ZNF525: variants seen among roughly 807,000 people sequenced by gnomAD.
ZNF525 encodes zinc finger protein 525.
ZNF525 carries 33 observed loss-of-function variants against 37.6 expected under a neutral mutation model. The ratio of observed to expected loss-of-function variants is 0.88; its 90% CI spans 0.67 to 1.17. ZNF525 has a LOEUF of 1.17. ZNF525 is among the 50% of genes most tolerant of loss of function. ZNF525 has a pLI of 0.00. For missense variants in ZNF525, 449 were observed against 543.1 expected (o/e 0.83, Z 1.72); for synonymous variants, 170 against 182.3 (o/e 0.93, Z 0.54).
intron 2 of ZNF525, chr19:53,372,501 A>G (rs2085494391): frequency 7.5e-6 from 6 of 797,728 alleles, no homozygotes; most frequent in Admixed American, 2.0e-5. Flanking sequence ...TGCACTGGGC[A>G]TGGTCTTGGG....
chr19:53,386,407 G>GCA lies in ZNF525; in HGVS notation c.*4393_*4394dup. On this transcript the variant is annotated 3_prime_UTR_variant, in exon 4 of 4. Coordinates refer to ENST00000474037, the MANE Select transcript of ZNF525 (RefSeq NM_001348156.2). The stretch of plus-strand genomic sequence containing the variant: ...TCTATAAGGAATTGCATGTGAGATG[G>GCA]CACACATATTTATGCTGTCTGAGCA... 1 of 854,930 alleles carries GCA rather than the reference G, an allele frequency of 1.2e-6. No individual in the cohort carries two copies. The highest frequency in any genetic ancestry group is 1.9e-6 in the Non-Finnish European group (1 of 517,642). The allele number at this position is 854,930 out of a possible 1,614,324, so 53.0% of individuals were successfully genotyped here.
In ZNF525 at chr19:53,382,976, A is replaced by G; in HGVS notation, c.*957A>G. ...TCATAAGGCAATTCATACTGGAGAGAAACCTTACAAGTGTAATGAATGTGG... is the reference window on the plus strand; with the variant it reads ...TCATAAGGCAATTCATACTGGAGAGGAACCTTACAAGTGTAATGAATGTGG... On this transcript the variant is annotated 3_prime_UTR_variant, in exon 4 of 4. Transcript: ENST00000474037. 6.6e-7 allele frequency: 1 copy of G among 1,520,892 alleles called. No individual in the cohort carries two copies. The highest frequency in any genetic ancestry group is 9.1e-7 in the Non-Finnish European group (1 of 1,102,200). 94.2% of individuals were successfully genotyped at this position (1,520,892 alleles called of 1,614,324 possible).
intron 2 of ZNF525, among the ~76,000 whole-genome samples, chr19:53,372,580 A>C (rs1219624244): frequency 1.3e-5 from 2 of 152,162 alleles, no homozygotes; most frequent in Admixed American, 6.5e-5. Context: ...GTTGGGCAGC[A>C]GGGATTGTTC....
In ZNF525 at chr19:53,385,067, A is replaced by AT. The variant is rs2085595558; in HGVS notation, c.*3049dup. On this transcript the variant is annotated 3_prime_UTR_variant, in exon 4 of 4. Coordinates refer to ENST00000474037, the MANE Select transcript of ZNF525 (RefSeq NM_001348156.2). ...ATCTTTCATTCTGTTCTAGTGGTAT[A>AT]TAACATTGATTTGCTTGAATATGTT... is the stretch of plus-strand genomic sequence containing the variant. The AT allele has an allele frequency of 1.5e-6, 1 of 651,768 alleles. No individual in the cohort carries two copies. The highest frequency in any genetic ancestry group is 1.7e-5 in the South Asian group (1 of 58,522). 40.4% of individuals were successfully genotyped at this position (651,768 alleles called of 1,614,324 possible). A position where few individuals can be genotyped will look rare whatever the true frequency, so the allele number is the denominator to read the frequency against.
At chr19:53,375,332 A>G (rs2085513852) in intron 2 of ZNF525, among the ~76,000 whole-genome samples, 1 of 152,218 alleles carries the variant, frequency 6.6e-6, no homozygotes, top group Non-Finnish European at 1.5e-5. Context: ...TGGGCCTGCA[A>G]TTCCAGCACT....
At chr19:53,367,684 A>T (rs1262848786) in intron 1 of ZNF525, among the ~76,000 whole-genome samples, 1 of 152,216 alleles carries the variant, frequency 6.6e-6, no homozygotes, top group African/African-American at 2.4e-5. Flanking sequence ...TAATTTTTTC[A>T]TACTTGCAGT....
intron 2 of ZNF525, among the ~76,000 whole-genome samples, chr19:53,375,251 C>G (rs2085513213): frequency 6.6e-6 from 1 of 152,144 alleles, no homozygotes; most frequent in African/African-American, 2.4e-5. Flanking sequence ...CACTCATACT[C>G]TGTCTCATCT....
chr19:53,382,483 A>T lies in ZNF525; in HGVS notation c.*464A>T. The T allele has an allele frequency of 1.4e-6, 1 of 714,444 alleles. No individual in the cohort carries two copies. Among genetic ancestry groups the T allele is most frequent in the Non-Finnish European group, 2.6e-6 (1 of 389,302 alleles). 44.3% of individuals were successfully genotyped at this position (714,444 alleles called of 1,614,324 possible). A position where few individuals can be genotyped will look rare whatever the true frequency, so the allele number is the denominator to read the frequency against. ...AGACTTCATACTGGAAATAAATCTT[A>T]TAAGTGTAATGAGTGTGGCAAGACC... On this transcript the variant is annotated 3_prime_UTR_variant, in exon 4 of 4. Coordinates refer to ENST00000474037, the MANE Select transcript of ZNF525 (RefSeq NM_001348156.2).
In ZNF525 at chr19:53,375,751, A is replaced by T; in HGVS notation, c.16-19A>T. On this transcript the variant is annotated intron_variant, in intron 2 of 3. Coordinates refer to ENST00000474037, the MANE Select transcript of ZNF525 (RefSeq NM_001348156.2). ...AACTCCTCCCATAACCATTTGGTTA[A>T]AATGTGTTTTCATTTCAGGGTCTAT... is the stretch of plus-strand genomic sequence containing the variant. 1 of 1,613,704 alleles carries T rather than the reference A, an allele frequency of 6.2e-7. No homozygotes were observed.
Position 53,383,063 on chromosome 19 carries a change from G to A in ZNF525, c.*1044G>A, listed in dbSNP as rs2865698. On this transcript the variant is annotated 3_prime_UTR_variant, in exon 4 of 4. Transcript: ENST00000474037. ...TCATAGACTTCATACTGGAGAGAAC[G>A]CTTGCAAGTGTAATAAATGTGGCGA... 24 of 1,421,220 alleles carry A rather than the reference G, an allele frequency of 1.7e-5. No individual in the cohort carries two copies. The highest frequency in any genetic ancestry group is 1.8e-4 in the Middle Eastern group (1 of 5,498). 88.0% of individuals were successfully genotyped at this position (1,421,220 alleles called of 1,614,324 possible). A position where few individuals can be genotyped will look rare whatever the true frequency, so the allele number is the denominator to read the frequency against.
Position 53,385,222 on chromosome 19 carries a change from T to A in ZNF525, c.*3203T>A. On this transcript the variant is annotated 3_prime_UTR_variant, in exon 4 of 4. Coordinates refer to ENST00000474037, the MANE Select transcript of ZNF525 (RefSeq NM_001348156.2). ...GGAAAAATACATATTATGAGAAAATTGTGCATGAATTTCACAATTTTTGCA... is the reference window on the plus strand; with the variant it reads ...GGAAAAATACATATTATGAGAAAATAGTGCATGAATTTCACAATTTTTGCA... 2 of 471,928 alleles carry A rather than the reference T, an allele frequency of 4.2e-6. No individual in the cohort carries two copies. Among genetic ancestry groups the A allele is most frequent in the Non-Finnish European group, 3.7e-6 (1 of 267,544 alleles). The allele number at this position is 471,928 out of a possible 1,614,324, so 29.2% of individuals were successfully genotyped here. A position where few individuals can be genotyped will look rare whatever the true frequency, so the allele number is the denominator to read the frequency against.
intron 1 of ZNF525, among the ~76,000 whole-genome samples, chr19:53,367,370 G>T (rs139438593): frequency 3.3e-5 from 5 of 151,560 alleles, no homozygotes; most frequent in Middle Eastern, 3.2e-3. Flanking sequence ...TTATTATCAA[G>T]ATTTTAATAG....
chr19:53,383,524 C>T lies in ZNF525; in HGVS notation c.*1505C>T, dbSNP rs2085583384. 6 of 1,280,332 alleles carry T rather than the reference C, an allele frequency of 4.7e-6. No individual in the cohort carries two copies. Among genetic ancestry groups the T allele is most frequent in the African/African-American group, 1.5e-5 (1 of 67,166 alleles). 79.3% of individuals were successfully genotyped at this position (1,280,332 alleles called of 1,614,324 possible). A position where few individuals can be genotyped will look rare whatever the true frequency, so the allele number is the denominator to read the frequency against. ...ACAAGGCTTTCGGACGTGATTCACA[C>T]CTGGCACAACATCCCAGAGTTCACA... is the stretch of plus-strand genomic sequence containing the variant. On this transcript the variant is annotated 3_prime_UTR_variant, in exon 4 of 4. Transcript: ENST00000474037.
intron 1 of ZNF525, among the ~76,000 whole-genome samples, chr19:53,366,086 G>A (rs1372974340): frequency 5.5e-4 from 84 of 152,240 alleles, no homozygotes; most frequent in Non-Finnish European, 1.3e-4. Context: ...CGCCCTGGGC[G>A]CCTCCCAGCC....
intron 1 of ZNF525, among the ~76,000 whole-genome samples, chr19:53,366,437 C>G (rs1218440468): frequency 6.0e-5 from 9 of 150,182 alleles, no homozygotes; most frequent in East Asian, 2.0e-4. Flanking sequence ...GGGAGACAGA[C>G]AGCAGTAGAA....
At chr19:53,366,523 C>A (rs1212014165) in intron 1 of ZNF525, among the ~76,000 whole-genome samples, 2 of 130,138 alleles carry the variant, frequency 1.5e-5, no homozygotes, top group African/African-American at 5.8e-5. Context: ...AGGGATTTGC[C>A]AAGAGACAGC....
At chr19:53,380,555 A>C (rs931936575) in intron 3 of ZNF525, among the ~76,000 whole-genome samples, 167 bp from the exon 4 acceptor site, 4 of 152,184 alleles carry the variant, frequency 2.6e-5, no homozygotes, top group Admixed American at 6.5e-5. Context: ...GTGTTTTGTC[A>C]TGATATTGGA....
intron 1 of ZNF525, 38 bp downstream of exon 1, chr19:53,365,797 C>G (rs2085438535): frequency 6.3e-6 from 1 of 158,064 alleles, no homozygotes; most frequent in Non-Finnish European, 1.4e-5. Flanking sequence ...TCTGCTCTTC[C>G]CAGGTCCCCG....
chr19:53,366,144 G>A (rs1310514661), intron 1 of ZNF525, among the ~76,000 whole-genome samples: 2 of 140,842 alleles, frequency 1.4e-5, no homozygotes, highest in African/African-American at 2.4e-5. Flanking sequence ...CCGGTCCCGG[G>A]GAGGCCGAGT....
Sources: gnomAD v4.1 joint callset for allele counts (sites outside exome capture counted in the v4.1 genomes callset) on GRCh38, gnomAD v4.1.1 for gene constraint, MANE v1.5 for transcripts, NCBI Gene and HGNC (gene_info 2026-07-23, HGNC 2026-07-21) for gene names.